The following RIC1 variants were observed in gnomAD, a reference collection of about 807,000 sequenced individuals.
RIC1 encodes RIC1 partner of RAB6A GEF complex.
RIC1 carries 88 observed loss-of-function variants against 169.0 expected under a neutral mutation model. That is an observed-to-expected ratio of 0.52 (90% CI 0.44 to 0.62). RIC1 has a LOEUF of 0.62. Among genes scored for constraint, RIC1 ranks in the 20% least tolerant of loss-of-function variants. RIC1 has a pLI of 0.00. For missense variants in RIC1, 1,877 were observed against 1,725.5 expected, an observed-to-expected ratio of 1.09 and a Z score of -1.56; for synonymous variants, 790 against 601.5, an observed-to-expected ratio of 1.31 and a Z score of -4.59.
chr9:5,753,567 T>C lies in RIC1; in HGVS notation c.1523T>C (p.Ile508Thr). 6.2e-7 allele frequency: 1 copy of C among 1,610,610 alleles called. No homozygotes were observed. Among genetic ancestry groups the C allele is most frequent in the Non-Finnish European group, 8.5e-7 (1 of 1,178,700 alleles). ...FSAIDKLGQN[I>T]AVVGKFGFAH... The stretch of plus-strand genomic sequence containing the variant: ...GCTATTGATAAGCTTGGACAGAATA[T>C]TGCTGTGGTTGGCAAGTTTGGTTTT... The change falls in exon 14 of 26, where the codon ATT (isoleucine) becomes ACT (threonine). Residue 508 changes from isoleucine (I) to threonine (T), a missense_variant. This residue lies in a region of RIC1 where 1,104 missense variants were observed against 992.0 expected (regional missense o/e 1.11). Coordinates refer to ENST00000414202, the MANE Select transcript of RIC1 (RefSeq NM_020829.4).
At position 5,657,934 on chromosome 9, in the gene RIC1, C is replaced by T. The variant is rs76204036; in HGVS notation, c.252+1244C>T. Reference sequence around the variant, plus strand: ...AAAATTTTACTGGGGCACGAAAATCCTCACTGATTTATGTATTGTCTGTAA... The same window carrying T: ...AAAATTTTACTGGGGCACGAAAATCTTCACTGATTTATGTATTGTCTGTAA... On this transcript the variant is annotated intron_variant, in intron 2 of 25. Transcript: ENST00000414202. Among the ~76,000 whole-genome samples the T allele has an allele frequency of 3.6e-3, 547 of 152,148 alleles. 1 individual carries two copies. Among genetic ancestry groups the T allele is most frequent in the African/African-American group, 0.013 (535 of 41,548 alleles).
chr9:5,684,252 C>A (rs1211435594), intron 2 of RIC1, among the ~76,000 whole-genome samples: 1 of 109,896 alleles, frequency 9.1e-6, no homozygotes, highest in Non-Finnish European at 1.7e-5. Context: ...TGGAGCTGTT[C>A]CTATTTGGCC....
intron 1 of RIC1, among the ~76,000 whole-genome samples, chr9:5,643,810 C>T (rs1818370626): frequency 6.6e-6 from 1 of 152,046 alleles, no homozygotes. Context: ...AATAAATTTA[C>T]AATTTAAAAA....
chr9:5,753,126 A>C (rs998252348), intron 12 of RIC1, 74 bp from the exon 13 acceptor site: 1 of 1,299,026 alleles, frequency 7.7e-7, no homozygotes, highest in African/African-American at 1.5e-5. Flanking sequence ...TGAATCTCAT[A>C]GTGTGATAAC....
At chr9:5,659,359 A>C (rs1046171998) in intron 2 of RIC1, among the ~76,000 whole-genome samples, 11 of 152,158 alleles carry the variant, frequency 7.2e-5, no homozygotes, top group African/African-American at 2.7e-4. Flanking sequence ...GTTGTATTTC[A>C]GGATATAAGT....
intron 1 of RIC1, 38 bp from the exon 2 acceptor site, chr9:5,656,545 A>G (rs758540793): frequency 2.0e-6 from 2 of 1,022,226 alleles, no homozygotes; most frequent in East Asian, 2.6e-5. Context: ...TGAGATATTG[A>G]TAAAAAATAC....
intron 2 of RIC1, among the ~76,000 whole-genome samples, chr9:5,683,453 G>T (rs1047941513): frequency 1.3e-5 from 2 of 152,224 alleles, no homozygotes; most frequent in East Asian, 1.9e-4. Flanking sequence ...AGTGGCTGCA[G>T]AACAGTGGAT....
intron 12 of RIC1, among the ~76,000 whole-genome samples, chr9:5,751,721 TTAA>T (rs1415240385): frequency 3.3e-5 from 5 of 152,214 alleles, no homozygotes; most frequent in African/African-American, 1.2e-4. Flanking sequence ...TTAAGTCAAC[TTAA>T]TAAGTATAAC....
chr9:5,742,053 C>T (rs2130976271), intron 8 of RIC1, among the ~76,000 whole-genome samples: 1 of 152,302 alleles, frequency 6.6e-6, no homozygotes, highest in East Asian at 1.9e-4. Flanking sequence ...TTTGTGGCTT[C>T]AGATTATCAA....
chr9:5,762,137 A>T (rs1036086194), intron 17 of RIC1, among the ~76,000 whole-genome samples: 6 of 152,118 alleles, frequency 3.9e-5, no homozygotes, highest in African/African-American at 1.4e-4. Flanking sequence ...TTCGTTTTCC[A>T]TTAGATTACC....
chr9:5,666,628 G>A (rs1819780954), intron 2 of RIC1, among the ~76,000 whole-genome samples: 1 of 152,028 alleles, frequency 6.6e-6, no homozygotes, highest in South Asian at 2.1e-4. Context: ...CTCTCTTTGC[G>A]TCAATTGAGA....
At chr9:5,679,847 G>A (rs1335228194) in intron 2 of RIC1, among the ~76,000 whole-genome samples, 5 of 152,108 alleles carry the variant, frequency 3.3e-5, no homozygotes, top group African/African-American at 1.2e-4. Flanking sequence ...TCTCCTGCCT[G>A]ATTGCCCTGG....
chr9:5,762,451 T>G, intron 17 of RIC1, 90 bp from the exon 18 acceptor site: 3 of 1,462,500 alleles, frequency 2.1e-6, no homozygotes, highest in Middle Eastern at 3.6e-4. Context: ...ATGTAGATTG[T>G]TTGACCTATA....
chr9:5,666,893 A>G (rs1211340662), intron 2 of RIC1, among the ~76,000 whole-genome samples: 2 of 152,224 alleles, frequency 1.3e-5, no homozygotes, highest in African/African-American at 4.8e-5. Flanking sequence ...GTTGGAATAC[A>G]ACTCTTTATT....
At position 5,629,350 on chromosome 9, in the gene RIC1, C is replaced by T; in HGVS notation, c.41C>T (p.Pro14Leu). ...LSGWPKRLLC[P>L]LGSPAEAPFH... ...GGCTGGCCCAAGAGGCTGCTGTGCC[C>T]TCTGGGGAGCCCGGCCGAGGCGCCT... is the stretch of plus-strand genomic sequence containing the variant. Residue 14 changes from proline (P) to leucine (L), a missense_variant, in exon 1 of 26, where the codon CCT (proline) becomes CTT (leucine). Physicochemically the swap from Pro to Leu is moderately conservative, Grantham distance 98. Around this residue, in one of 3 missense-constraint regions of RIC1, gnomAD observed 1,104 missense variants for 992.0 expected, o/e 1.11. Coordinates refer to ENST00000414202, the MANE Select transcript of RIC1 (RefSeq NM_020829.4). 2.0e-6 allele frequency: 3 copies of T among 1,534,294 alleles called. No individual in the cohort carries two copies. The highest frequency in any genetic ancestry group is 1.2e-5 in the South Asian group (1 of 83,738).
chr9:5,721,262 G>A (rs529417231), intron 6 of RIC1, among the ~76,000 whole-genome samples: 85 of 152,278 alleles, frequency 5.6e-4, no homozygotes, highest in African/African-American at 1.9e-3. Context: ...TGACGCAGAA[G>A]TTTTTGCTCC....
chr9:5,695,418 T>C (rs990631722), intron 3 of RIC1, among the ~76,000 whole-genome samples: 1 of 152,154 alleles, frequency 6.6e-6, no homozygotes, highest in Non-Finnish European at 1.5e-5. Flanking sequence ...TATTTGAGTT[T>C]ATTCACTCTT....
intron 2 of RIC1, among the ~76,000 whole-genome samples, chr9:5,682,717 T>C (rs1820932445): frequency 6.6e-6 from 1 of 152,224 alleles, no homozygotes; most frequent in Admixed American, 6.5e-5. Context: ...CCTTGCTAGA[T>C]TGGGGAAGTT....
intron 1 of RIC1, among the ~76,000 whole-genome samples, chr9:5,635,148 TA>T (rs1361715409): frequency 3.9e-5 from 6 of 152,076 alleles, no homozygotes; most frequent in Admixed American, 1.3e-4. Flanking sequence ...CCACCATGCC[TA>T]GTTAATTTTT....
Sources: allele counts gnomAD v4.1 joint callset (sites outside exome capture counted in the v4.1 genomes callset), GRCh38; gene constraint gnomAD v4.1.1; regional missense constraint gnomAD v4.1.1; transcripts MANE v1.5; gene names NCBI Gene and HGNC (gene_info 2026-07-23, HGNC 2026-07-21).